Variants in PTPN14 observed in about 807,000 individuals in gnomAD.
PTPN14 encodes the protein protein tyrosine phosphatase non-receptor type 14.
In PTPN14, 53 loss-of-function variants were observed where a neutral mutation model predicts 126.8. That is an observed-to-expected ratio of 0.42 (90% confidence interval 0.34 to 0.53). PTPN14 has a LOEUF of 0.53. PTPN14 is among the 20% of genes least tolerant of loss of function. The probability of loss-of-function intolerance (pLI) is 0.08; values close to 1 mark genes in which losing one functional copy is unlikely to be tolerated. For synonymous variants in PTPN14, 630 were observed against 599.3 expected (o/e 1.05, Z -0.75); for missense variants, 1,257 against 1,552.9 (o/e 0.81, Z 3.20).
Position 214,523,075 on chromosome 1 carries a change from T to C in PTPN14, c.-155+28108A>G, listed in dbSNP as rs184940356. Among the ~76,000 whole-genome samples, 326 of 152,324 alleles carry C rather than the reference T, an allele frequency of 2.1e-3. 3 individuals are homozygous for C. The highest frequency in any genetic ancestry group is 7.2e-3 in the African/African-American group (299 of 41,560). Reference sequence around the variant, plus strand: ...ATACTTAGTGAGGCACCTAAGGTTATGGGAGATTAATGTGCTATTCATCCT... The same window carrying C: ...ATACTTAGTGAGGCACCTAAGGTTACGGGAGATTAATGTGCTATTCATCCT... On this transcript the variant is annotated intron_variant, in intron 1 of 18. Coordinates refer to ENST00000366956, the MANE Select transcript of PTPN14 (RefSeq NM_005401.5).
In PTPN14 at chr1:214,416,539, C is replaced by T. The variant is rs150240418; in HGVS notation, c.345-1813G>A. The stretch of plus-strand genomic sequence containing the variant: ...TCCATTCTATCCTAGGAAACAGTGA[C>T]TCACAATCCACTAGCAAGGAACACC... On this transcript the variant is annotated intron_variant, in intron 3 of 18. Transcript: ENST00000366956. Among the ~76,000 whole-genome samples, 81 of 152,294 alleles carry T rather than the reference C, an allele frequency of 5.3e-4. 1 individual carries two copies. Among genetic ancestry groups the T allele is most frequent in the Middle Eastern group, 3.4e-3 (1 of 294 alleles).
At chr1:214,436,034 AC>A (rs1165062190) in intron 3 of PTPN14, among the ~76,000 whole-genome samples, 2 of 152,214 alleles carry the variant, frequency 1.3e-5, no homozygotes, top group Non-Finnish European at 2.9e-5. Context: ...AAAATATGTT[AC>A]ATATACACCA....
chr1:214,370,677 G>T (rs1658198026), intron 16 of PTPN14, among the ~76,000 whole-genome samples: 1 of 152,144 alleles, frequency 6.6e-6, no homozygotes, highest in African/African-American at 2.4e-5. Context: ...ACTTTTCTGA[G>T]AATATGTATT....
chr1:214,350,230 T>C lies in PTPN14; in HGVS notation c.*7692A>G, dbSNP rs1358175334. On this transcript the variant is annotated 3_prime_UTR_variant, in exon 19 of 19. Coordinates refer to ENST00000366956, the MANE Select transcript of PTPN14 (RefSeq NM_005401.5). ...CCCAAAGGTTTACCACCTGTTTCACTAGAATGGCCAGTCTGTGTAAAGAGG... is the reference window on the plus strand; with the variant it reads ...CCCAAAGGTTTACCACCTGTTTCACCAGAATGGCCAGTCTGTGTAAAGAGG... 1.3e-5 allele frequency: 2 copies of C among 152,204 alleles called. No homozygotes were observed. Among genetic ancestry groups the C allele is most frequent in the African/African-American group, 4.8e-5 (2 of 41,464 alleles). 9.4% of individuals were successfully genotyped at this position (152,204 alleles called of 1,614,324 possible). A position where few individuals can be genotyped will look rare whatever the true frequency, so the allele number is the denominator to read the frequency against.
intron 5 of PTPN14, among the ~76,000 whole-genome samples, chr1:214,404,176 A>C (rs1021284111): frequency 2.0e-5 from 3 of 152,274 alleles, no homozygotes; most frequent in African/African-American, 7.2e-5. Context: ...AAATCATTAA[A>C]ATCTGAAAAA....
chr1:214,534,435 C>T (rs1311122843), intron 1 of PTPN14, among the ~76,000 whole-genome samples: 3 of 152,070 alleles, frequency 2.0e-5, no homozygotes, highest in Non-Finnish European at 4.4e-5. Flanking sequence ...CGTTATTGGC[C>T]GGGCGCGGTG....
At chr1:214,387,201 A>G (rs1658639719) in intron 11 of PTPN14, among the ~76,000 whole-genome samples, 1 of 152,208 alleles carries the variant, frequency 6.6e-6, no homozygotes, top group Non-Finnish European at 1.5e-5. Context: ...ACCATTTACT[A>G]TCTATGTTCT....
chr1:214,403,127 A>T (rs1384095973), intron 5 of PTPN14, among the ~76,000 whole-genome samples, 174 bp from the exon 6 acceptor site: 1 of 152,154 alleles, frequency 6.6e-6, no homozygotes, highest in East Asian at 1.9e-4. Context: ...TATGATTTCT[A>T]CTGTTATAAC....
intron 17 of PTPN14, among the ~76,000 whole-genome samples, chr1:214,368,434 C>T (rs1050827976): frequency 7.9e-5 from 12 of 152,068 alleles, no homozygotes; most frequent in African/African-American, 2.9e-4. Flanking sequence ...CTCCTCACCT[C>T]GGGTGATCCG....
chr1:214,476,744 C>T (rs940210789), intron 1 of PTPN14, among the ~76,000 whole-genome samples: 7 of 152,102 alleles, frequency 4.6e-5, no homozygotes, highest in African/African-American at 1.2e-4. Context: ...ACCATGGGTC[C>T]GAAGCTGGCT....
chr1:214,431,591 T>TG (rs1393777239), intron 3 of PTPN14, among the ~76,000 whole-genome samples: 1 of 152,104 alleles, frequency 6.6e-6, no homozygotes, highest in Admixed American at 6.5e-5. Flanking sequence ...AGACATAAAT[T>TG]GGGGGCACAG....
intron 3 of PTPN14, among the ~76,000 whole-genome samples, chr1:214,439,352 T>C (rs1054717621): frequency 6.6e-6 from 1 of 152,226 alleles, no homozygotes. Context: ...GTCACTGTCA[T>C]AAACATCTAT....
At chr1:214,472,780 C>T (rs1265825338) in intron 1 of PTPN14, among the ~76,000 whole-genome samples, 1 of 152,150 alleles carries the variant, frequency 6.6e-6, no homozygotes, top group East Asian at 1.9e-4. Context: ...ACATTCCCAC[C>T]ACCCAAGTTT....
At chr1:214,473,467 G>T (rs1660805009) in intron 1 of PTPN14, among the ~76,000 whole-genome samples, 1 of 152,068 alleles carries the variant, frequency 6.6e-6, no homozygotes, top group South Asian at 2.1e-4. Context: ...TTTTCTTAAA[G>T]ATAAGTTCTG....
Position 214,351,731 on chromosome 1 carries a change from TTAAAAC to T in PTPN14, c.*6185_*6190del, listed in dbSNP as rs1387438242. 1.3e-5 allele frequency: 2 copies of T among 152,196 alleles called. No individual in the cohort carries two copies. The highest frequency in any genetic ancestry group is 4.8e-5 in the African/African-American group (2 of 41,454). The allele number at this position is 152,196 out of a possible 1,614,324, so 9.4% of individuals were successfully genotyped here. On this transcript the variant is annotated 3_prime_UTR_variant, in exon 19 of 19. Transcript: ENST00000366956. ...GCTCTACCTCAACAGTGAAGACAGT[TTAAAAC>T]TATGAGCTAGGGTGAAATAGACTCC... is the stretch of plus-strand genomic sequence containing the variant.
chr1:214,471,143 T>C lies in PTPN14; in HGVS notation c.-154-6186A>G, dbSNP rs548981647. Among the ~76,000 whole-genome samples, 131 of 150,966 alleles carry C rather than the reference T, an allele frequency of 8.7e-4. 1 individual carries two copies. The highest frequency in any genetic ancestry group is 1.8e-3 in the Non-Finnish European group (119 of 67,854). On this transcript the variant is annotated intron_variant, in intron 1 of 18. Transcript: ENST00000366956. ...GATGAAAGTAATTTGGAATACAAAG[T>C]ACAGGGGGAATGACAGGGAAAGTGC...
At position 214,450,536 on chromosome 1, in the gene PTPN14, C is replaced by T. The variant is rs184969704; in HGVS notation, c.344+1269G>A. On this transcript the variant is annotated intron_variant, in intron 3 of 18. Transcript: ENST00000366956. ...GCAAGCAGAATATTGCCTTAAAATACACTTAAAAATTTCAAGAGCATCCTT... is the reference window on the plus strand; with the variant it reads ...GCAAGCAGAATATTGCCTTAAAATATACTTAAAAATTTCAAGAGCATCCTT... Among the ~76,000 whole-genome samples, 337 of 150,552 alleles carry T rather than the reference C, an allele frequency of 2.2e-3. 1 individual carries two copies. The highest frequency in any genetic ancestry group is 8.0e-3 in the African/African-American group (330 of 41,120).
chr1:214,461,987 G>GGT (rs1173393086), intron 2 of PTPN14, among the ~76,000 whole-genome samples: 2 of 152,166 alleles, frequency 1.3e-5, no homozygotes, highest in Admixed American at 6.5e-5. Context: ...TCTTCTTTAA[G>GGT]GTGTGTGTGT....
intron 1 of PTPN14, among the ~76,000 whole-genome samples, chr1:214,513,309 G>C (rs940711402): frequency 2.0e-5 from 3 of 152,182 alleles, no homozygotes; most frequent in African/African-American, 7.2e-5. Flanking sequence ...GCAAGTGGAA[G>C]TAAACAAAAC....
Sources: gnomAD v4.1 joint callset for allele counts (sites outside exome capture counted in the v4.1 genomes callset) on GRCh38, gnomAD v4.1.1 for gene constraint, MANE v1.5 for transcripts, NCBI Gene and HGNC (gene_info 2026-07-23, HGNC 2026-07-21) for gene names.